The following RAB8B variants were observed in gnomAD, a reference collection of about 807,000 sequenced individuals.
RAB8B encodes the protein ras-related protein Rab-8B.
In RAB8B, 11 loss-of-function variants were observed where a neutral mutation model predicts 32.0. The observed-to-expected ratio is 0.34, with a 90% CI of 0.22 to 0.57. The LOEUF (loss-of-function observed/expected upper bound fraction) is 0.57. Among genes scored for constraint, RAB8B ranks in the 20% least tolerant of loss-of-function variants. The pLI is 0.86. For synonymous variants in RAB8B, 103 were observed against 89.6 expected (o/e 1.15, Z -0.85); for missense variants, 190 against 258.5 (o/e 0.73, Z 1.82).
chr15:63,262,487 C>T (rs1251046959), intron 6 of RAB8B, among the ~76,000 whole-genome samples: 3 of 151,654 alleles, frequency 2.0e-5, no homozygotes. Flanking sequence ...TAAAATAAGT[C>T]AGGCATGGTG....
In RAB8B at chr15:63,262,714, A is replaced by C. The variant is rs541852366; in HGVS notation, c.503A>C (p.Asp168Ala). The C allele has an allele frequency of 2.1e-6, 3 of 1,457,378 alleles. No homozygotes were observed. The South Asian group carries it at 4.4e-5, about 21-fold the overall frequency. 90.3% of individuals were successfully genotyped at this position (1,457,378 alleles called of 1,614,324 possible). A position where few individuals can be genotyped will look rare whatever the true frequency, so the allele number is the denominator to read the frequency against. The change falls in exon 7 of 8, where the codon GAT (aspartate) becomes GCT (alanine). Residue 168 changes from aspartate to alanine, a missense_variant. This residue lies in a region of RAB8B where 110 missense variants were observed against 115.9 expected (regional missense o/e 0.95). Coordinates refer to ENST00000321437, the MANE Select transcript of RAB8B (RefSeq NM_016530.3). ...VEEAFFTLAR[D>A]IMTKLNRKMN... The stretch of plus-strand genomic sequence containing the variant: ...TAGGCATTTTTTACACTTGCACGAG[A>C]TATAATGACAAAACTCAACAGAAAA...
rs1451880592 is a variant in RAB8B at position 63,263,866 on chromosome 15, G to A, written c.*247G>A. ...GCAGGACCTAACTCGTTTTTTCCTT[G>A]TTTTATTACCTGTTGCAGAAGCGGT... On this transcript the variant is annotated 3_prime_UTR_variant, in exon 8 of 8. Transcript: ENST00000321437. 13 of 391,536 alleles carry A rather than the reference G, an allele frequency of 3.3e-5. No homozygotes were observed. Among genetic ancestry groups the A allele is most frequent in the Non-Finnish European group, 6.0e-5 (13 of 217,544 alleles). 24.3% of individuals were successfully genotyped at this position (391,536 alleles called of 1,614,324 possible).
intron 3 of RAB8B, among the ~76,000 whole-genome samples, chr15:63,254,525 C>A (rs1391788250): frequency 6.6e-6 from 1 of 151,918 alleles, no homozygotes; most frequent in Non-Finnish European, 1.5e-5. Context: ...GTGAGTAGTT[C>A]TAGCACTTAG....
At chr15:63,194,199 T>TG (rs1302136552) in intron 1 of RAB8B, among the ~76,000 whole-genome samples, 4 of 148,872 alleles carry the variant, frequency 2.7e-5, no homozygotes, top group South Asian at 2.1e-4. Context: ...ATTTTATAAA[T>TG]AAAAAAAAAA....
intron 1 of RAB8B, among the ~76,000 whole-genome samples, chr15:63,202,807 C>T (rs1395079759): frequency 6.6e-6 from 1 of 152,226 alleles, no homozygotes; most frequent in African/African-American, 2.4e-5. Flanking sequence ...CTCGCAGACA[C>T]AGTAGCATTG....
At chr15:63,255,751 A>G (rs1004776824) in intron 4 of RAB8B, among the ~76,000 whole-genome samples, 167 bp downstream of exon 4, 3 of 152,214 alleles carry the variant, frequency 2.0e-5, no homozygotes, top group African/African-American at 2.4e-5. Flanking sequence ...CAGTCTGACT[A>G]CTGGGGGTTA....
rs140564073 is a variant in RAB8B, at chr15:63,241,943, G to T, written c.125-2813G>T. 5.6e-3 allele frequency among the ~76,000 whole-genome samples: 848 copies of T among 152,014 alleles called. 7 individuals are homozygous for T. The highest frequency in any genetic ancestry group is 0.018 in the African/African-American group (757 of 41,490). On this transcript the variant is annotated intron_variant, in intron 1 of 7. Transcript: ENST00000321437. ...TTTATGCTGAGTTGCTGAGTTTTGT[G>T]TCACCTTTACAGACCCTGAAATGCT... is the stretch of plus-strand genomic sequence containing the variant.
chr15:63,205,279 G>A (rs937554479), intron 1 of RAB8B, among the ~76,000 whole-genome samples: 3 of 152,148 alleles, frequency 2.0e-5, no homozygotes, highest in African/African-American at 7.2e-5. Context: ...CAGCCTGGGT[G>A]ACAGAGTGAG....
rs1220457847 is a variant in RAB8B, at chr15:63,248,095, G to A, written c.186-1550G>A. ...TTCCATTTCCCCATGATTTGTTAGC[G>A]GTGCAGCAAACAAGTGCCCCATGCA... On this transcript the variant is annotated intron_variant, in intron 2 of 7. Transcript: ENST00000321437. This position sits in a 1 kb window ranked among gnomAD's most constrained non-coding sequence, Gnocchi z 4.4. Among the ~76,000 whole-genome samples the A allele has an allele frequency of 2.0e-5, 3 of 152,258 alleles. No homozygotes were observed. The highest frequency in any genetic ancestry group is 6.5e-5 in the Admixed American group (1 of 15,298).
intron 3 of RAB8B, among the ~76,000 whole-genome samples, chr15:63,250,228 A>G (rs1395126839): frequency 3.9e-5 from 6 of 152,200 alleles, no homozygotes; most frequent in Non-Finnish European, 7.3e-5. Flanking sequence ...TAACTTATAG[A>G]TGTTCTAGAA....
chr15:63,209,451 C>T (rs986391107), intron 1 of RAB8B, among the ~76,000 whole-genome samples: 7 of 151,872 alleles, frequency 4.6e-5, no homozygotes, highest in African/African-American at 1.2e-4. Context: ...ATTAGCCAAG[C>T]GTAGTGGCAG....
At chr15:63,261,648 G>T (rs920454173) in intron 6 of RAB8B, among the ~76,000 whole-genome samples, 1 of 152,182 alleles carries the variant, frequency 6.6e-6, no homozygotes, top group Non-Finnish European at 1.5e-5. Flanking sequence ...AAATCAGTGT[G>T]GTTAGGCTCA....
intron 1 of RAB8B, among the ~76,000 whole-genome samples, chr15:63,240,470 C>G (rs1014136027): frequency 7.2e-5 from 11 of 152,094 alleles, no homozygotes; most frequent in Non-Finnish European, 1.5e-4. Flanking sequence ...GCAGCCTGTT[C>G]ACAAGTTTTT....
At chr15:63,241,280 C>T (rs375919818) in intron 1 of RAB8B, among the ~76,000 whole-genome samples, 3 of 152,106 alleles carry the variant, frequency 2.0e-5, no homozygotes, top group Non-Finnish European at 2.9e-5. Flanking sequence ...ACCCAAGAGG[C>T]GAAGGTTGCG....
intron 1 of RAB8B, among the ~76,000 whole-genome samples, chr15:63,209,963 A>G (rs774253930): frequency 6.6e-6 from 1 of 150,702 alleles, no homozygotes; most frequent in Non-Finnish European, 1.5e-5. Context: ...ATGTGTTCTC[A>G]TTGTTGAACT....
In RAB8B at chr15:63,244,819, A is replaced by G. The variant is rs199829234; in HGVS notation, c.185+3A>G. 3.2e-4 allele frequency: 503 copies of G among 1,567,960 alleles called. No individual in the cohort carries two copies. Among genetic ancestry groups the G allele is most frequent in the Non-Finnish European group, 4.1e-4 (471 of 1,143,086 alleles). ...AAGAAAATTAAGCTTCAGATATGGTAAGTAAACACACACACAGAGTTTCTG... is the reference window on the plus strand; with the variant it reads ...AAGAAAATTAAGCTTCAGATATGGTGAGTAAACACACACACAGAGTTTCTG... On this transcript the variant is annotated splice_donor_region_variant and intron_variant, in intron 2 of 7. Transcript: ENST00000321437.
At chr15:63,198,319 T>C (rs2037620248) in intron 1 of RAB8B, among the ~76,000 whole-genome samples, 1 of 152,184 alleles carries the variant, frequency 6.6e-6, no homozygotes, top group Non-Finnish European at 1.5e-5. Context: ...TTTACCTGTT[T>C]ACTGCAACTT....
At chr15:63,256,235 A>C (rs907659172) in intron 4 of RAB8B, among the ~76,000 whole-genome samples, 1 of 152,170 alleles carries the variant, frequency 6.6e-6, no homozygotes, top group Non-Finnish European at 1.5e-5. Flanking sequence ...AATATTTGGA[A>C]ATTTTGTCAT....
chr15:63,248,109 G>A lies in RAB8B; in HGVS notation c.186-1536G>A, dbSNP rs1188327968. Among the ~76,000 whole-genome samples, 1 of 152,218 alleles carries A rather than the reference G, an allele frequency of 6.6e-6. No homozygotes were observed. The highest frequency in any genetic ancestry group is 2.4e-5 in the African/African-American group (1 of 41,466). ...GATTTGTTAGCGGTGCAGCAAACAA[G>A]TGCCCCATGCATCTAATGCCGATCA... On this transcript the variant is annotated intron_variant, in intron 2 of 7. Transcript: ENST00000321437. The surrounding 1 kb of genome is among the most constrained non-coding windows in gnomAD (Gnocchi z 4.4).
Sources: gnomAD v4.1 joint callset for allele counts (sites outside exome capture counted in the v4.1 genomes callset) on GRCh38, gnomAD v4.1.1 for gene constraint, gnomAD v4.1.1 regional missense constraint, Gnocchi (gnomAD v3.1) non-coding constraint, MANE v1.5 for transcripts, NCBI Gene and HGNC (gene_info 2026-07-23, HGNC 2026-07-21) for gene names.